Variants in WWOX observed in about 807,000 individuals in gnomAD.
WWOX encodes WW domain containing oxidoreductase.
In WWOX, 69 loss-of-function variants were observed where a neutral mutation model predicts 46.2. That is an observed-to-expected ratio of 1.49 (90% CI 1.23 to 1.82). The LOEUF is 1.82. Among genes scored for constraint, WWOX ranks in the 40% most tolerant of loss-of-function variants. The pLI, the probability that WWOX is intolerant of heterozygous loss-of-function variation, is 0.00. For missense variants in WWOX, 919 were observed against 542.6 expected (o/e 1.69, Z -6.89); for synonymous variants, 359 against 202.6 (o/e 1.77, Z -6.56).
At chr16:78,886,781 T>C (rs2151221738) in intron 8 of WWOX, among the ~76,000 whole-genome samples, 1 of 152,054 alleles carries the variant, frequency 6.6e-6, no homozygotes, top group South Asian at 2.1e-4. Context: ...GCTATGAAAT[T>C]CTGGTTCCAC....
At chr16:79,188,336 G>A (rs764866190) in intron 8 of WWOX, among the ~76,000 whole-genome samples, 3 of 152,110 alleles carry the variant, frequency 2.0e-5, no homozygotes, top group Admixed American at 6.5e-5. Flanking sequence ...GCTTTGAGTC[G>A]TGACCGGTGT....
At chr16:78,870,616 T>A (rs374008733) in intron 8 of WWOX, among the ~76,000 whole-genome samples, 26 of 152,330 alleles carry the variant, frequency 1.7e-4, no homozygotes, top group East Asian at 7.7e-4. Context: ...TTTTTTCTTT[T>A]TTGGAGACGG....
At chr16:79,192,440 C>G (rs912189211) in intron 8 of WWOX, among the ~76,000 whole-genome samples, 1 of 152,180 alleles carries the variant, frequency 6.6e-6, no homozygotes, top group African/African-American at 2.4e-5. Flanking sequence ...AACAAAATCT[C>G]ATTTTCAAGG....
chr16:78,320,082 A>G (rs956072980), intron 5 of WWOX, among the ~76,000 whole-genome samples: 1 of 152,190 alleles, frequency 6.6e-6, no homozygotes, highest in African/African-American at 2.4e-5. Flanking sequence ...CTTTCTCCCT[A>G]AGTAGGCTGG....
chr16:78,161,912 C>T (rs2034808289), intron 4 of WWOX, among the ~76,000 whole-genome samples: 1 of 152,082 alleles, frequency 6.6e-6, no homozygotes, highest in Admixed American at 6.5e-5. Flanking sequence ...TACTCACCTC[C>T]TAGGTTAAGC....
intron 8 of WWOX, among the ~76,000 whole-genome samples, chr16:79,179,043 A>T (rs1164956690): frequency 6.6e-6 from 1 of 152,188 alleles, no homozygotes; most frequent in Non-Finnish European, 1.5e-5. Flanking sequence ...GCCCTGCCTC[A>T]GCAATATTCT....
At chr16:78,729,837 G>A (rs137941714) in intron 8 of WWOX, among the ~76,000 whole-genome samples, 505 of 152,286 alleles carry the variant, frequency 3.3e-3, no homozygotes, top group Middle Eastern at 6.8e-3. Context: ...CTGCTATGCA[G>A]TGCTTTCTTC....
chr16:78,975,271 A>C (rs1287425549), intron 8 of WWOX, among the ~76,000 whole-genome samples: 1 of 152,186 alleles, frequency 6.6e-6, no homozygotes, highest in Non-Finnish European at 1.5e-5. Context: ...GGCAATGTCT[A>C]GAGACATTTT....
intron 5 of WWOX, chr16:78,237,394 T>C (rs1376062301): frequency 6.6e-6 from 1 of 152,206 alleles, no homozygotes; most frequent in Non-Finnish European, 1.5e-5. Flanking sequence ...TATTTTGGTT[T>C]TGAAAAATTG....
intron 8 of WWOX, among the ~76,000 whole-genome samples, chr16:79,130,920 C>G (rs1412947561): frequency 6.6e-6 from 1 of 152,162 alleles, no homozygotes; most frequent in African/African-American, 2.4e-5. Flanking sequence ...TGGCTGCATG[C>G]CAACCGAAGA....
At chr16:79,110,821 G>C (rs1441836831) in intron 8 of WWOX, 2 of 152,128 alleles carry the variant, frequency 1.3e-5, no homozygotes, top group Non-Finnish European at 2.9e-5. Flanking sequence ...TTATCAGCTG[G>C]GTGTTGGGCA....
At chr16:79,073,733 G>A (rs1436048761) in intron 8 of WWOX, among the ~76,000 whole-genome samples, 2 of 152,084 alleles carry the variant, frequency 1.3e-5, no homozygotes, top group East Asian at 3.9e-4. Flanking sequence ...TAAATGGGAC[G>A]TTAGCAGAAC....
At chr16:79,173,409 C>G (rs986806259) in intron 8 of WWOX, among the ~76,000 whole-genome samples, 5 of 152,194 alleles carry the variant, frequency 3.3e-5, no homozygotes, top group African/African-American at 7.2e-5. Context: ...GTCTCTTTCA[C>G]ACACCCACGT....
At chr16:79,100,000 T>A (rs1567549828) in intron 8 of WWOX, among the ~76,000 whole-genome samples, 1 of 152,228 alleles carries the variant, frequency 6.6e-6, no homozygotes, top group Admixed American at 6.5e-5. Context: ...CAGAATTTCT[T>A]CTTCTCCAGG....
intron 4 of WWOX, among the ~76,000 whole-genome samples, chr16:78,121,442 A>T (rs1239276204): frequency 6.6e-6 from 1 of 152,140 alleles, no homozygotes; most frequent in African/African-American, 2.4e-5. Flanking sequence ...TTACACTGAG[A>T]TATTATTGGA....
chr16:78,626,192 G>A (rs531306820), intron 8 of WWOX, among the ~76,000 whole-genome samples: 15 of 151,662 alleles, frequency 9.9e-5, no homozygotes, highest in African/African-American at 2.9e-4. Context: ...GTGCAGTGGC[G>A]CGATCTTGGC....
At chr16:78,645,145 T>G (rs2046809356) in intron 8 of WWOX, among the ~76,000 whole-genome samples, 1 of 152,162 alleles carries the variant, frequency 6.6e-6, no homozygotes, top group African/African-American at 2.4e-5. Context: ...GTTACCAGAA[T>G]CTGTCAAGCT....
chr16:78,200,906 A>AT (rs1426686805), intron 5 of WWOX, among the ~76,000 whole-genome samples: 1 of 152,188 alleles, frequency 6.6e-6, no homozygotes, highest in Non-Finnish European at 1.5e-5. Flanking sequence ...GTGAGAGGGT[A>AT]TGGGTGCACA....
Position 78,386,905 on chromosome 16 carries a change from C to T in WWOX, c.562C>T (p.Arg188Cys), listed in dbSNP as rs199511589. ...EAMTLDLALLRSVQHFAEAFK... is the reference protein window; with the variant it reads ...EAMTLDLALLCSVQHFAEAFK... ...AATGACCCTGGACCTCGCTCTGCTC[C>T]GTAGCGTGCAGCATTTTGCTGAAGC... Residue 188 changes from arginine (R) to cysteine (C), a missense_variant, in exon 6 of 9, where the codon CGT (arginine) becomes TGT (cysteine). Coordinates refer to ENST00000566780, the MANE Select transcript of WWOX (RefSeq NM_016373.4). The T allele has an allele frequency of 5.4e-5, 87 of 1,614,100 alleles. No homozygotes were observed. The highest frequency in any genetic ancestry group is 2.3e-4 in the African/African-American group (17 of 75,012).
Sources: gnomAD v4.1 joint callset for allele counts (sites outside exome capture counted in the v4.1 genomes callset) on GRCh38, gnomAD v4.1.1 for gene constraint, MANE v1.5 for transcripts, NCBI Gene and HGNC (gene_info 2026-07-23, HGNC 2026-07-21) for gene names.